Variants in GABRG3 observed in about 807,000 individuals in gnomAD.
The protein encoded by GABRG3 is gamma-aminobutyric acid type A receptor subunit gamma3.
In GABRG3, 25 loss-of-function variants were observed where a neutral mutation model predicts 48.8. The ratio of observed to expected loss-of-function variants is 0.51; its 90% CI spans 0.37 to 0.72. The LOEUF is 0.72. Among genes scored for constraint, GABRG3 ranks in the 30% least tolerant of loss-of-function variants. The pLI, the probability that GABRG3 is intolerant of heterozygous loss-of-function variation, is 0.00. For missense variants in GABRG3, 394 were observed against 577.9 expected (o/e 0.68, Z 3.26); for synonymous variants, 227 against 217.6 (o/e 1.04, Z -0.38).
chr15:27,308,721 C>G lies in GABRG3; in HGVS notation c.271-18088C>G, dbSNP rs556644031. Among the ~76,000 whole-genome samples the G allele has an allele frequency of 1.2e-4, 18 of 148,970 alleles. 1 individual carries two copies. The South Asian group carries it at 4.0e-3, about 33-fold the overall frequency. On this transcript the variant is annotated intron_variant, in intron 3 of 9. Coordinates refer to ENST00000615808, the MANE Select transcript of GABRG3 (RefSeq NM_033223.5). ...ATGTAAACATACGTTTATATGTAAA[C>G]ATAATGTAAACATACGTTTATATGT...
rs1386265041 is a variant in GABRG3 at position 27,387,988 on chromosome 15, G to C, written c.574+59100G>C. ...AGAAAGGAAGGAAAGGAAGGAGGGA[G>C]GGTAAGGAAGGAAGGAAGGAAGGAA... On this transcript the variant is annotated intron_variant, in intron 5 of 9. Transcript: ENST00000615808. Among the ~76,000 whole-genome samples the C allele has an allele frequency of 7.0e-4, 58 of 82,444 alleles. 1 individual carries two copies. Among genetic ancestry groups the C allele is most frequent in the Non-Finnish European group, 1.4e-3 (54 of 38,576 alleles). 54.1% of individuals were successfully genotyped at this position (82,444 alleles called of 152,430 possible).
At chr15:27,433,992 A>G (rs1595751818) in intron 5 of GABRG3, among the ~76,000 whole-genome samples, 1 of 152,206 alleles carries the variant, frequency 6.6e-6, no homozygotes, top group East Asian at 1.9e-4. Flanking sequence ...ACTTTACACG[A>G]GCTCTTTTAT....
At chr15:27,174,503 T>C (rs1427058876) in intron 3 of GABRG3, among the ~76,000 whole-genome samples, 1 of 152,060 alleles carries the variant, frequency 6.6e-6, no homozygotes, top group Non-Finnish European at 1.5e-5. Context: ...GGATAAATGC[T>C]GAAATCTCTC....
At chr15:27,287,805 C>T (rs1383161689) in intron 3 of GABRG3, among the ~76,000 whole-genome samples, 2 of 143,076 alleles carry the variant, frequency 1.4e-5, no homozygotes, top group East Asian at 4.2e-4. Context: ...GTGGCGCGAT[C>T]TCGGCTCACT....
chr15:27,157,040 C>A (rs1209823578), intron 3 of GABRG3, among the ~76,000 whole-genome samples: 1 of 152,120 alleles, frequency 6.6e-6, no homozygotes, highest in Non-Finnish European at 1.5e-5. Flanking sequence ...CCAAGTCCAA[C>A]AGAGAAAGAA....
intron 3 of GABRG3, among the ~76,000 whole-genome samples, chr15:27,272,661 C>T (rs181445417): frequency 1.2e-4 from 19 of 152,268 alleles, no homozygotes; most frequent in African/African-American, 4.6e-4. Context: ...ATTCCAGCCA[C>T]CTCTGAAGGG....
At chr15:26,995,503 T>A (rs1895323558) in intron 2 of GABRG3, among the ~76,000 whole-genome samples, 2 of 151,828 alleles carry the variant, frequency 1.3e-5, no homozygotes. Context: ...TCTCTATGTG[T>A]CTCAAATCTT....
At chr15:27,373,916 C>T (rs1431446140) in intron 5 of GABRG3, among the ~76,000 whole-genome samples, 1 of 151,988 alleles carries the variant, frequency 6.6e-6, no homozygotes, top group African/African-American at 2.4e-5. Flanking sequence ...GCCACAATCT[C>T]CATGTAATAT....
chr15:27,288,610 A>G (rs73363112), intron 3 of GABRG3, among the ~76,000 whole-genome samples: 16,168 of 151,800 alleles, frequency 0.11, 2,834 homozygotes, highest in African/African-American at 0.37. Context: ...TAATCCCAGA[A>G]GCTGAGGCAG....
intron 3 of GABRG3, among the ~76,000 whole-genome samples, chr15:27,296,565 A>G (rs974652684): frequency 1.3e-5 from 2 of 152,208 alleles, no homozygotes; most frequent in Non-Finnish European, 2.9e-5. Flanking sequence ...TTCAGTCAAC[A>G]GTGGACCACA....
In GABRG3 at chr15:27,120,611, C is replaced by T. The variant is rs11854535; in HGVS notation, c.270+93790C>T. Among the ~76,000 whole-genome samples the T allele has an allele frequency of 4.8e-3, 732 of 152,066 alleles. 9 individuals carry two copies. Among genetic ancestry groups the T allele is most frequent in the African/African-American group, 0.017 (692 of 41,464 alleles). On this transcript the variant is annotated intron_variant, in intron 3 of 9. Coordinates refer to ENST00000615808, the MANE Select transcript of GABRG3 (RefSeq NM_033223.5). ...ATAAGCAATTATCAAGGTCTAATTG[C>T]GTGTGGGCCTTCTGCTTGTCTATAG...
chr15:27,062,069 G>A (rs373516596), intron 3 of GABRG3, among the ~76,000 whole-genome samples: 4 of 152,226 alleles, frequency 2.6e-5, no homozygotes, highest in African/African-American at 4.8e-5. Flanking sequence ...GCTGCCTTCC[G>A]GGCAACTGGC....
At chr15:27,326,584 G>A (rs6422908) in intron 3 of GABRG3, among the ~76,000 whole-genome samples, 12,872 of 152,116 alleles carry the variant, frequency 0.085, 1,313 homozygotes, top group African/African-American at 0.24. Context: ...ATATTTATTG[G>A]AACTTAAGAT....
At chr15:27,529,707 C>T (rs574565774) in intron 9 of GABRG3, among the ~76,000 whole-genome samples, 2 of 152,034 alleles carry the variant, frequency 1.3e-5, no homozygotes, top group African/African-American at 4.8e-5. Flanking sequence ...TTCCAAGTGG[C>T]GTGGGACCAA....
intron 5 of GABRG3, among the ~76,000 whole-genome samples, chr15:27,383,491 C>T (rs973516496): frequency 2.0e-5 from 3 of 152,040 alleles, no homozygotes; most frequent in African/African-American, 7.2e-5. Flanking sequence ...CATTTAGTTG[C>T]CCAGAAAAAT....
At chr15:27,224,773 A>G (rs75035280) in intron 3 of GABRG3, among the ~76,000 whole-genome samples, 1 of 152,242 alleles carries the variant, frequency 6.6e-6, no homozygotes, top group South Asian at 2.1e-4. Context: ...CATGCTGTGC[A>G]TATAGGATAA....
At chr15:27,104,273 G>A (rs1897411578) in intron 3 of GABRG3, among the ~76,000 whole-genome samples, 1 of 152,182 alleles carries the variant, frequency 6.6e-6, no homozygotes, top group Non-Finnish European at 1.5e-5. Context: ...CATGGCAATT[G>A]GCTGAATCAG....
intron 5 of GABRG3, among the ~76,000 whole-genome samples, chr15:27,385,998 C>G (rs746686270): frequency 7.2e-5 from 11 of 152,204 alleles, no homozygotes; most frequent in Admixed American, 1.3e-4. Context: ...ATTGTGGCAA[C>G]TCTGTATTCT....
intron 2 of GABRG3, among the ~76,000 whole-genome samples, chr15:27,002,969 AT>A (rs917053964): frequency 6.6e-6 from 1 of 151,138 alleles, no homozygotes; most frequent in Non-Finnish European, 1.5e-5. Flanking sequence ...TGACTCGAAA[AT>A]TAAATAAAAT....
Sources: gnomAD v4.1 joint callset for allele counts (sites outside exome capture counted in the v4.1 genomes callset) on GRCh38, gnomAD v4.1.1 for gene constraint, MANE v1.5 for transcripts, NCBI Gene and HGNC (gene_info 2026-07-23, HGNC 2026-07-21) for gene names.